The following TBL1XR1 variants were observed in gnomAD, a reference collection of about 807,000 sequenced individuals.
The protein encoded by TBL1XR1 is TBL1X/Y related 1.
TBL1XR1 carries 5 observed loss-of-function variants against 66.9 expected under a neutral mutation model. That is an observed-to-expected ratio of 0.07 (90% CI 0.04 to 0.16). The LOEUF (loss-of-function observed/expected upper bound fraction) is 0.16. Among genes scored for constraint, TBL1XR1 ranks in the 10% least tolerant of loss-of-function variants. The probability of loss-of-function intolerance (pLI) is 1.00; values close to 1 mark genes in which losing one functional copy is unlikely to be tolerated. For synonymous variants in TBL1XR1, 210 were observed against 206.0 expected (o/e 1.02, Z -0.17); for missense variants, 238 against 623.2 (o/e 0.38, Z 6.58).
At chr3:177,158,978 T>C (rs1731845309) in intron 1 of TBL1XR1, among the ~76,000 whole-genome samples, 1 of 152,146 alleles carries the variant, frequency 6.6e-6, no homozygotes, top group African/African-American at 2.4e-5. Flanking sequence ...CTATAATAAA[T>C]ACAATATGGT....
At chr3:177,117,980 G>C (rs1726514515) in intron 1 of TBL1XR1, among the ~76,000 whole-genome samples, 1 of 152,170 alleles carries the variant, frequency 6.6e-6, no homozygotes, top group Non-Finnish European at 1.5e-5. Flanking sequence ...ATCGTAGGTA[G>C]TAAGAAATCA....
chr3:177,089,835 CA>C (rs764318828), intron 2 of TBL1XR1, among the ~76,000 whole-genome samples: 14 of 152,268 alleles, frequency 9.2e-5, no homozygotes, highest in Non-Finnish European at 1.8e-4. Flanking sequence ...GATATGCAAA[CA>C]GTTCTAAAAT....
chr3:177,180,376 C>A (rs976202082), intron 1 of TBL1XR1, among the ~76,000 whole-genome samples: 3 of 137,966 alleles, frequency 2.2e-5, no homozygotes, highest in Non-Finnish European at 3.1e-5. Flanking sequence ...GTTCATTCCC[C>A]CCCCCCCCAT....
At position 177,026,322 on chromosome 3, in the gene TBL1XR1, T is replaced by G. The variant is rs75508577; in HGVS notation, c.1518+51A>C. The G allele has an allele frequency of 6.8e-4, 940 of 1,385,048 alleles. 7 individuals are homozygous for G. The African/African-American group carries it at 0.012, about 18-fold the overall frequency. The allele number at this position is 1,385,048 out of a possible 1,614,324, so 85.8% of individuals were successfully genotyped here. A position where few individuals can be genotyped will look rare whatever the true frequency, so the allele number is the denominator to read the frequency against. ...GTATCACTAACAATAAGCTGCATTC[T>G]GATGTGAATACCCACCCACACCCTC... is the stretch of plus-strand genomic sequence containing the variant. On this transcript the variant is annotated intron_variant, in intron 15 of 15. Coordinates refer to ENST00000457928, the MANE Select transcript of TBL1XR1 (RefSeq NM_024665.7).
chr3:177,126,739 CATAA>C (rs747095123), intron 1 of TBL1XR1, among the ~76,000 whole-genome samples: 2 of 151,838 alleles, frequency 1.3e-5, no homozygotes, highest in Non-Finnish European at 2.9e-5. Context: ...ACTGGCTCTC[CATAA>C]ATATTCAATA....
At chr3:177,164,560 C>T (rs1176835931) in intron 1 of TBL1XR1, among the ~76,000 whole-genome samples, 1 of 152,002 alleles carries the variant, frequency 6.6e-6, no homozygotes, top group African/African-American at 2.4e-5. Flanking sequence ...ATCTTGGCCA[C>T]GCTGGTCTCA....
At chr3:177,159,807 C>T (rs1238692117) in intron 1 of TBL1XR1, among the ~76,000 whole-genome samples, 2 of 151,668 alleles carry the variant, frequency 1.3e-5, no homozygotes, top group Admixed American at 6.6e-5. Flanking sequence ...CCAAGTGAAG[C>T]GATGCTGGCC....
At chr3:177,055,409 A>C (rs919352514) in intron 3 of TBL1XR1, among the ~76,000 whole-genome samples, 36 of 152,258 alleles carry the variant, frequency 2.4e-4, no homozygotes, top group African/African-American at 8.7e-4. Flanking sequence ...CACAGTGGAA[A>C]AGGCAAGTGG....
chr3:177,069,647 G>A (rs1719619352), intron 2 of TBL1XR1, among the ~76,000 whole-genome samples: 1 of 151,992 alleles, frequency 6.6e-6, no homozygotes, highest in South Asian at 2.1e-4. Flanking sequence ...GCTGAAGAAT[G>A]AGAATTGCTT....
At chr3:177,135,377 A>ATATATATATATG (rs1728866793) in intron 1 of TBL1XR1, among the ~76,000 whole-genome samples, 4 of 30,182 alleles carry the variant, frequency 1.3e-4, no homozygotes, top group Admixed American at 3.4e-4. Flanking sequence ...ATATATATAT[A>ATATATATATATG]TATATGTATG....
At chr3:177,089,277 C>CT (rs1722534829) in intron 2 of TBL1XR1, among the ~76,000 whole-genome samples, 1 of 152,286 alleles carries the variant, frequency 6.6e-6, no homozygotes, top group South Asian at 2.1e-4. Flanking sequence ...CATCACTCAA[C>CT]TTTCCCAAGC....
intron 2 of TBL1XR1, among the ~76,000 whole-genome samples, chr3:177,067,308 C>A (rs528875292): frequency 1.3e-5 from 2 of 152,308 alleles, no homozygotes; most frequent in South Asian, 4.1e-4. Context: ...ATGAGATGGG[C>A]TAGGTGGAAT....
At chr3:177,117,722 T>C (rs975746746) in intron 1 of TBL1XR1, among the ~76,000 whole-genome samples, 1 of 152,222 alleles carries the variant, frequency 6.6e-6, no homozygotes, top group African/African-American at 2.4e-5. Context: ...ATCTTCTAAT[T>C]TGAAAGAATT....
chr3:177,050,235 A>T, intron 6 of TBL1XR1, 97 bp from the exon 7 acceptor site: 1 of 1,441,688 alleles, frequency 6.9e-7, no homozygotes, highest in Non-Finnish European at 9.4e-7. Context: ...AGGCAAATAA[A>T]AACGACTATC....
At chr3:177,133,766 G>T (rs934274191) in intron 1 of TBL1XR1, among the ~76,000 whole-genome samples, 30 of 150,780 alleles carry the variant, frequency 2.0e-4, no homozygotes, top group Admixed American at 1.2e-3. Flanking sequence ...GCTGGGCATG[G>T]TGGCACACAC....
chr3:177,049,929 G>A lies in TBL1XR1; in HGVS notation c.702+68C>T, dbSNP rs760088480. On this transcript the variant is annotated intron_variant, in intron 7 of 15. Transcript: ENST00000457928. Reference sequence around the variant, plus strand: ...TCTGAACAAATAGACAAACCCTGCCGTGAGTATGAGGCTCTGAGGGTTAGG... The same window carrying A: ...TCTGAACAAATAGACAAACCCTGCCATGAGTATGAGGCTCTGAGGGTTAGG... 9.7e-6 allele frequency: 15 copies of A among 1,539,358 alleles called. No homozygotes were observed. In the East Asian group the frequency reaches 1.4e-4, roughly 14 times the overall value.
chr3:177,160,879 C>A (rs1203717786), intron 1 of TBL1XR1: 2 of 151,802 alleles, frequency 1.3e-5, no homozygotes, highest in African/African-American at 4.8e-5. Context: ...ACCTGAGGTC[C>A]CAGCTCCTTG....
intron 3 of TBL1XR1, among the ~76,000 whole-genome samples, chr3:177,057,966 C>G (rs543794774): frequency 6.6e-6 from 1 of 152,094 alleles, no homozygotes; most frequent in South Asian, 2.1e-4. Context: ...CTATAGATCG[C>G]TTGTTTCAGG....
chr3:177,176,958 C>A (rs1734230333), intron 1 of TBL1XR1, among the ~76,000 whole-genome samples: 1 of 152,054 alleles, frequency 6.6e-6, no homozygotes, highest in African/African-American at 2.4e-5. Context: ...CCAGCTTGGG[C>A]AACAAAGGGA....
Sources: allele counts gnomAD v4.1 joint callset (sites outside exome capture counted in the v4.1 genomes callset), GRCh38; gene constraint gnomAD v4.1.1; transcripts MANE v1.5; gene names NCBI Gene and HGNC (gene_info 2026-07-23, HGNC 2026-07-21).